LPP: variants seen among roughly 807,000 people sequenced by gnomAD.
The protein encoded by LPP is lipoma-preferred partner.
In LPP, 38 loss-of-function variants were observed where a neutral mutation model predicts 60.4. That is an observed-to-expected ratio of 0.63 (90% CI 0.49 to 0.83). LPP has a LOEUF of 0.83. Ranked by LOEUF, LPP falls within the 40% of genes least tolerant of loss-of-function variation. The probability of loss-of-function intolerance (pLI) is 0.00; values close to 1 mark genes in which losing one functional copy is unlikely to be tolerated. For synonymous variants in LPP, 328 were observed against 290.8 expected, an observed-to-expected ratio of 1.13 and a Z score of -1.30; for missense variants, 902 against 783.6, an observed-to-expected ratio of 1.15 and a Z score of -1.80.
chr3:188,639,363 A>G (rs1353700116), intron 7 of LPP, among the ~76,000 whole-genome samples: 2 of 150,488 alleles, frequency 1.3e-5, no homozygotes, highest in Non-Finnish European at 3.0e-5. Context: ...ACAAAAATCA[A>G]TTCAAGATGG....
chr3:188,391,088 T>C (rs770317676), intron 3 of LPP, among the ~76,000 whole-genome samples: 3 of 152,220 alleles, frequency 2.0e-5, no homozygotes, highest in Non-Finnish European at 4.4e-5. Flanking sequence ...TAAATCCAAG[T>C]AAATTCCCTC....
At chr3:188,222,458 C>T (rs1291433167) in intron 1 of LPP, among the ~76,000 whole-genome samples, 2 of 152,074 alleles carry the variant, frequency 1.3e-5, no homozygotes, top group African/African-American at 4.8e-5. Flanking sequence ...TTGCATACAC[C>T]TTGTTGGGTA....
intron 7 of LPP, among the ~76,000 whole-genome samples, chr3:188,669,533 A>G (rs1056674808): frequency 8.5e-5 from 13 of 152,202 alleles, no homozygotes; most frequent in South Asian, 4.2e-4. Context: ...CCGAGATCGC[A>G]CCACTGCACT....
rs1458414809 is a variant in LPP at position 188,203,146 on chromosome 3, AT to A, written c.-189-22258del. ...AAAATGTATATTATATTATAATTAT[AT>A]ATAATTATATTGTAATTAAATTATA... On this transcript the variant is annotated intron_variant, in intron 1 of 11. Transcript: ENST00000617246. 5.0e-5 allele frequency among the ~76,000 whole-genome samples: 7 copies of A among 138,982 alleles called. No homozygotes were observed. The Admixed American group carries it at 5.4e-4, about 11-fold the overall frequency. 91.2% of individuals were successfully genotyped at this position (138,982 alleles called of 152,430 possible).
intron 1 of LPP, among the ~76,000 whole-genome samples, chr3:188,192,409 G>GA (rs1323196675): frequency 1.3e-5 from 2 of 152,200 alleles, no homozygotes; most frequent in Non-Finnish European, 2.9e-5. Flanking sequence ...TAACAGCAGG[G>GA]AAGAAAGGAG....
At chr3:188,410,694 T>A (rs1784697932) in intron 4 of LPP, among the ~76,000 whole-genome samples, 1 of 152,220 alleles carries the variant, frequency 6.6e-6, no homozygotes, top group Admixed American at 6.5e-5. Context: ...GTTCAATGCT[T>A]TGTGCTTACG....
intron 7 of LPP, among the ~76,000 whole-genome samples, chr3:188,611,167 T>C (rs1843641466): frequency 6.6e-6 from 1 of 152,212 alleles, no homozygotes; most frequent in Non-Finnish European, 1.5e-5. Context: ...GTGGGGACTG[T>C]GAAGAGCTGG....
chr3:188,753,716 T>C (rs1728951680), intron 8 of LPP, among the ~76,000 whole-genome samples: 1 of 152,168 alleles, frequency 6.6e-6, no homozygotes, highest in African/African-American at 2.4e-5. Context: ...GTTTTGTGTC[T>C]ACCACTCATC....
chr3:188,284,190 C>T (rs1389341244), intron 2 of LPP, among the ~76,000 whole-genome samples: 2 of 151,834 alleles, frequency 1.3e-5, no homozygotes, highest in African/African-American at 2.4e-5. Context: ...TCAGGTGATC[C>T]GCCTGCCTCG....
chr3:188,745,491 A>G (rs1199417455), intron 8 of LPP, among the ~76,000 whole-genome samples: 1 of 152,176 alleles, frequency 6.6e-6, no homozygotes, highest in Non-Finnish European at 1.5e-5. Context: ...TGAGGGCAAC[A>G]GCACTTCTGT....
chr3:188,415,936 T>C (rs1352346675), intron 4 of LPP, among the ~76,000 whole-genome samples: 2 of 152,118 alleles, frequency 1.3e-5, no homozygotes, highest in Non-Finnish European at 2.9e-5. Context: ...ATGCAGGTTA[T>C]AAAATGGTAA....
intron 2 of LPP, among the ~76,000 whole-genome samples, chr3:188,231,798 A>G (rs1309774041): frequency 6.6e-6 from 1 of 152,188 alleles, no homozygotes; most frequent in African/African-American, 2.4e-5. Flanking sequence ...GAAACAGATT[A>G]GGAAAAATAG....
chr3:188,663,101 A>C (rs1029037284), intron 7 of LPP, among the ~76,000 whole-genome samples: 3 of 152,214 alleles, frequency 2.0e-5, no homozygotes, highest in African/African-American at 7.2e-5. Flanking sequence ...AAGTGGGGAG[A>C]AAAACAAACA....
chr3:188,247,756 G>T (rs576795065), intron 2 of LPP, among the ~76,000 whole-genome samples: 1 of 149,608 alleles, frequency 6.7e-6, no homozygotes, highest in Non-Finnish European at 1.5e-5. Context: ...ACGAGATTGC[G>T]CCATTGCACT....
intron 9 of LPP, among the ~76,000 whole-genome samples, chr3:188,799,805 A>G (rs987599117): frequency 6.6e-6 from 1 of 152,200 alleles, no homozygotes; most frequent in Non-Finnish European, 1.5e-5. Flanking sequence ...ATATAGTGCA[A>G]TGTTCTTCTT....
chr3:188,718,107 C>T (rs1267245888), intron 8 of LPP, among the ~76,000 whole-genome samples: 3 of 152,236 alleles, frequency 2.0e-5, no homozygotes. Context: ...CAGGCGTGAG[C>T]CACTGCACCC....
chr3:188,826,194 GAAAGAGAAGCCTACGCTTTCC>G (rs1296228575), intron 9 of LPP, among the ~76,000 whole-genome samples: 1 of 152,182 alleles, frequency 6.6e-6, no homozygotes, highest in African/African-American at 2.4e-5. Context: ...TACCTCTAAA[GAAAGAGAAGCCTACGCTTTCC>G]TACTCACTGA....
chr3:188,444,965 A>G (rs1239503889), intron 4 of LPP, among the ~76,000 whole-genome samples: 1 of 152,240 alleles, frequency 6.6e-6, no homozygotes, highest in East Asian at 1.9e-4. Flanking sequence ...TAAAGTGGTG[A>G]TCATTAAAAT....
At position 188,226,512 on chromosome 3, in the gene LPP, A is replaced by G. The variant is rs577967803; in HGVS notation, c.-67+985A>G. On this transcript the variant is annotated intron_variant, in intron 2 of 11. Coordinates refer to ENST00000617246, the MANE Select transcript of LPP (RefSeq NM_001375462.1). ...TGGTGTACCTCTGTACTTAATGGGTAGAGTAGAACATTATGTTCTAAAAAA... is the reference window on the plus strand; with the variant it reads ...TGGTGTACCTCTGTACTTAATGGGTGGAGTAGAACATTATGTTCTAAAAAA... 9.8e-5 allele frequency among the ~76,000 whole-genome samples: 15 copies of G among 152,334 alleles called. No homozygotes were observed. The East Asian group carries it at 2.9e-3, about 29-fold the overall frequency.
Sources: gnomAD v4.1 joint callset for allele counts (sites outside exome capture counted in the v4.1 genomes callset) on GRCh38, gnomAD v4.1.1 for gene constraint, MANE v1.5 for transcripts, NCBI Gene and HGNC (gene_info 2026-07-23, HGNC 2026-07-21) for gene names.